VPS37B: variants seen among roughly 807,000 people sequenced by gnomAD.
VPS37B encodes VPS37B subunit of ESCRT-I, also known as vacuolar protein sorting-associated protein 37B.
Under a neutral mutation model 21.2 loss-of-function variants are expected in VPS37B, and 11 were observed. The ratio of observed to expected loss-of-function variants is 0.52; its 90% CI spans 0.33 to 0.86. The LOEUF (loss-of-function observed/expected upper bound fraction) is 0.86, where lower values mean the gene tolerates loss of function less well. Among genes scored for constraint, VPS37B ranks in the 40% least tolerant of loss-of-function variants. VPS37B has a pLI of 0.03. For missense variants in VPS37B, 389 were observed against 374.8 expected (o/e 1.04, Z -0.31); for synonymous variants, 175 against 159.6 (o/e 1.10, Z -0.73).
chr12:122,867,520 G>T lies in VPS37B; in HGVS notation c.454C>A (p.Arg152=), dbSNP rs765995899. The change falls in exon 4 of 4, where the codon CGA becomes AGA. Residue 152 remains arginine (R), a synonymous_variant. Coordinates refer to ENST00000267202, the MANE Select transcript of VPS37B (RefSeq NM_024667.3). This position sits in a 1 kb window ranked among gnomAD's most constrained non-coding sequence, Gnocchi z 5.5. Reference sequence around the variant, plus strand: ...TGGAGCTTCTCGATTTTCACCCGTCGCATGTGGGCCAGTTTCCGTTTGCTC... The same window carrying T: ...TGGAGCTTCTCGATTTTCACCCGTCTCATGTGGGCCAGTTTCCGTTTGCTC... ...YQSKRKLAHM[R]RVKIEKLQEM... 1.2e-6 allele frequency: 2 copies of T among 1,613,908 alleles called. No homozygotes were observed. Among genetic ancestry groups the T allele is most frequent in the South Asian group, 1.1e-5 (1 of 91,090 alleles).
chr12:122,877,854 C>T (rs143336192), intron 1 of VPS37B: 6 of 151,872 alleles, frequency 4.0e-5, no homozygotes, highest in African/African-American at 1.2e-4. Context: ...CTCATGTATT[C>T]GCAGAGTACA....
chr12:122,876,213 G>GTA (rs753988959), intron 1 of VPS37B: 10 of 152,114 alleles, frequency 6.6e-5, no homozygotes, highest in Non-Finnish European at 1.3e-4. Flanking sequence ...AGCCCGAGTG[G>GTA]TATGATTTTT....
At chr12:122,869,173 G>GT (rs2033972162) in intron 2 of VPS37B, among the ~76,000 whole-genome samples, 1 of 152,222 alleles carries the variant, frequency 6.6e-6, no homozygotes, top group Non-Finnish European at 1.5e-5. Flanking sequence ...CAGACTTTAT[G>GT]TGCCCATCAC....
Position 122,867,005 on chromosome 12 carries a change from G to T in VPS37B, c.*111C>A. On this transcript the variant is annotated 3_prime_UTR_variant, in exon 4 of 4. Coordinates refer to ENST00000267202, the MANE Select transcript of VPS37B (RefSeq NM_024667.3). The surrounding 1 kb of genome is among the most constrained non-coding windows in gnomAD (Gnocchi z 5.5). ...AGTTCTAAAATCAGACAGACACGCT[G>T]GCCCAGGGCCCCAGAGCCCTTGGCA... is the stretch of plus-strand genomic sequence containing the variant. 1 of 1,316,432 alleles carries T rather than the reference G, an allele frequency of 7.6e-7. No individual in the cohort carries two copies. Among genetic ancestry groups the T allele is most frequent in the Non-Finnish European group, 1.0e-6 (1 of 1,003,504 alleles). 81.5% of individuals were successfully genotyped at this position (1,316,432 alleles called of 1,614,324 possible). A position where few individuals can be genotyped will look rare whatever the true frequency, so the allele number is the denominator to read the frequency against.
chr12:122,867,695 A>C lies in VPS37B; in HGVS notation c.367-88T>G. 3.2e-6 allele frequency: 5 copies of C among 1,567,980 alleles called. No individual in the cohort carries two copies. Among genetic ancestry groups the C allele is most frequent in the Non-Finnish European group, 4.3e-6 (5 of 1,156,778 alleles). On this transcript the variant is annotated intron_variant, in intron 3 of 3. Transcript: ENST00000267202. This position sits in a 1 kb window ranked among gnomAD's most constrained non-coding sequence, Gnocchi z 5.5. Reference sequence around the variant, plus strand: ...CTAGGCACAAGGAGAGGCAACGCCCAGCTGCTTCCAACACTGCCCCCTCCC... The same window carrying C: ...CTAGGCACAAGGAGAGGCAACGCCCCGCTGCTTCCAACACTGCCCCCTCCC...
At chr12:122,871,293 C>T (rs1208043770) in intron 1 of VPS37B, 2 of 1,303,270 alleles carry the variant, frequency 1.5e-6, no homozygotes, top group Non-Finnish European at 2.0e-6. Flanking sequence ...AGCACGTTTC[C>T]AGGACAGGCT....
chr12:122,867,182 C>T lies in VPS37B; in HGVS notation c.792G>A (p.Pro264=), dbSNP rs148279336. ...GFSSQFVSPY[P]PPLPQRPPPR... ...GCGGGGGTCTCTGAGGGAGAGGTGG[C>T]GGATATGGGGACACGAACTGCGAAG... Residue 264 remains proline, a synonymous_variant, in exon 4 of 4, where the codon CCG becomes CCA. Coordinates refer to ENST00000267202, the MANE Select transcript of VPS37B (RefSeq NM_024667.3). The surrounding 1 kb of genome is among the most constrained non-coding windows in gnomAD (Gnocchi z 5.5). 1.1e-5 allele frequency: 17 copies of T among 1,563,100 alleles called. No homozygotes were observed. The highest frequency in any genetic ancestry group is 3.7e-5 in the South Asian group (3 of 81,868).
chr12:122,874,578 T>G (rs1229515892), intron 1 of VPS37B: 1 of 152,202 alleles, frequency 6.6e-6, no homozygotes, highest in Non-Finnish European at 1.5e-5. Flanking sequence ...TCCACATTTC[T>G]GGGGTCTGGG....
Position 122,871,337 on chromosome 12 carries a change from C to T in VPS37B, c.112-276G>A, listed in dbSNP as rs369621764. 2.0e-5 allele frequency: 23 copies of T among 1,157,654 alleles called. 1 individual carries two copies. The East Asian group carries it at 4.8e-4, about 24-fold the overall frequency. The allele number at this position is 1,157,654 out of a possible 1,614,324, so 71.7% of individuals were successfully genotyped here. A position where few individuals can be genotyped will look rare whatever the true frequency, so the allele number is the denominator to read the frequency against. On this transcript the variant is annotated intron_variant, in intron 1 of 3. Coordinates refer to ENST00000267202, the MANE Select transcript of VPS37B (RefSeq NM_024667.3). ...TGACTCCATGCAGAGCCTTCCCTGC[C>T]ACGGCTGCGCTGTGACTTGAATTCC...
chr12:122,876,629 T>G (rs577151009), intron 1 of VPS37B: 1 of 151,978 alleles, frequency 6.6e-6, no homozygotes, highest in Non-Finnish European at 1.5e-5. Context: ...TGAGAGTTGC[T>G]TGAACCTGGG....
intron 2 of VPS37B, among the ~76,000 whole-genome samples, chr12:122,869,646 G>C (rs926190143): frequency 1.3e-5 from 2 of 152,230 alleles, no homozygotes; most frequent in Non-Finnish European, 2.9e-5. Flanking sequence ...TGGGGTCTCT[G>C]TCACCCAGGG....
intron 1 of VPS37B, chr12:122,875,198 T>C (rs2135702610): frequency 6.6e-6 from 1 of 150,722 alleles, no homozygotes; most frequent in East Asian, 2.0e-4. Flanking sequence ...TAGCTGGGAT[T>C]ACAGGTGTGT....
In VPS37B at chr12:122,868,002, C is replaced by T. The variant is rs2033944156; in HGVS notation, c.367-395G>A. ...TAAGCAAGACAGAAACACCTGTGCC[C>T]CCAGGGCTTCAGAGTTCATCGAGCC... is the stretch of plus-strand genomic sequence containing the variant. On this transcript the variant is annotated intron_variant, in intron 3 of 3. Transcript: ENST00000267202. The surrounding 1 kb of genome is among the most constrained non-coding windows in gnomAD (Gnocchi z 5.5). Among the ~76,000 whole-genome samples, 2 of 152,228 alleles carry T rather than the reference C, an allele frequency of 1.3e-5. No individual in the cohort carries two copies. Among genetic ancestry groups the T allele is most frequent in the South Asian group, 4.1e-4 (2 of 4,836 alleles).
At position 122,872,197 on chromosome 12, in the gene VPS37B, G is replaced by A. The variant is rs1228633505; in HGVS notation, c.112-1136C>T. 26 of 985,364 alleles carry A rather than the reference G, an allele frequency of 2.6e-5. No homozygotes were observed. In the South Asian group the frequency reaches 3.3e-4, roughly 12 times the overall value. 61.0% of individuals were successfully genotyped at this position (985,364 alleles called of 1,614,324 possible). Reference sequence around the variant, plus strand: ...TGATTGCTGTCATAGTTCCTGGTGCGCTCACACGAGTGCACACGCACCACA... The same window carrying A: ...TGATTGCTGTCATAGTTCCTGGTGCACTCACACGAGTGCACACGCACCACA... On this transcript the variant is annotated intron_variant, in intron 1 of 3. Coordinates refer to ENST00000267202, the MANE Select transcript of VPS37B (RefSeq NM_024667.3).
Position 122,867,380 on chromosome 12 carries a change from C to T in VPS37B, c.594G>A (p.Gly198=). 6.2e-7 allele frequency: 1 copy of T among 1,603,356 alleles called. No homozygotes were observed. Among genetic ancestry groups the T allele is most frequent in the Non-Finnish European group, 8.5e-7 (1 of 1,177,086 alleles). Residue 198 remains glycine, a synonymous_variant, in exon 4 of 4, where the codon GGG becomes GGA. Coordinates refer to ENST00000267202, the MANE Select transcript of VPS37B (RefSeq NM_024667.3). This position sits in a 1 kb window ranked among gnomAD's most constrained non-coding sequence, Gnocchi z 5.5. ...TGCGCCGAGGTGCAACGGCAGGAGG[C>T]CCACTGGCCTCTGGGGCAGGGTAGG... ...PLPYPAPEAS[G]PPAVAPRRIP...
chr12:122,891,780 G>C (rs2034415009), intron 1 of VPS37B, among the ~76,000 whole-genome samples: 1 of 152,210 alleles, frequency 6.6e-6, no homozygotes, highest in Non-Finnish European at 1.5e-5. Context: ...GATTCATGCA[G>C]TAGCTTTCAG....
chr12:122,886,143 G>C (rs772727449), intron 1 of VPS37B: 1 of 152,148 alleles, frequency 6.6e-6, no homozygotes, highest in Non-Finnish European at 1.5e-5. Context: ...TGCTGTCTCT[G>C]ATAGAGCAAT....
intron 1 of VPS37B, among the ~76,000 whole-genome samples, chr12:122,890,880 T>A (rs1465063445): frequency 6.6e-6 from 1 of 152,214 alleles, no homozygotes; most frequent in Non-Finnish European, 1.5e-5. Flanking sequence ...ATGTCCTACT[T>A]GTGTATCTAT....
At chr12:122,883,041 C>T (rs915835127) in intron 1 of VPS37B, 1 of 152,204 alleles carries the variant, frequency 6.6e-6, no homozygotes, top group Non-Finnish European at 1.5e-5. Context: ...ATGAAACAGT[C>T]CTAAAATACG....
Sources: gnomAD v4.1 joint callset for allele counts (sites outside exome capture counted in the v4.1 genomes callset) on GRCh38, gnomAD v4.1.1 for gene constraint, Gnocchi (gnomAD v3.1) non-coding constraint, MANE v1.5 for transcripts, NCBI Gene and HGNC (gene_info 2026-07-23, HGNC 2026-07-21) for gene names.